Variants in ZNF254 observed in about 807,000 individuals in gnomAD.
ZNF254 encodes zinc finger protein 254.
In ZNF254, 10 loss-of-function variants were observed where a neutral mutation model predicts 12.4. The ratio of observed to expected loss-of-function variants is 0.80; its 90% CI spans 0.50 to 1.36. The LOEUF is 1.36. Ranked by LOEUF, ZNF254 falls within the 40% of genes most tolerant of loss-of-function variation. ZNF254 has a pLI of 0.00. For synonymous variants in ZNF254, 305 were observed against 253.4 expected (o/e 1.20, Z -1.93); for missense variants, 996 against 763.9 (o/e 1.30, Z -3.58).
At chr19:24,043,504 CACCT>C (rs1399927232) in intron 1 of ZNF254, among the ~76,000 whole-genome samples, 2 of 152,136 alleles carry the variant, frequency 1.3e-5, no homozygotes, top group Non-Finnish European at 2.9e-5. Flanking sequence ...TCAGGTGATC[CACCT>C]ACCTCAGCCT....
chr19:24,056,118 G>T (rs1165353776), intron 2 of ZNF254, among the ~76,000 whole-genome samples: 1 of 151,888 alleles, frequency 6.6e-6, no homozygotes, highest in Non-Finnish European at 1.5e-5. Flanking sequence ...GTGACATATC[G>T]CTGGACCTTA....
intron 2 of ZNF254, among the ~76,000 whole-genome samples, chr19:24,072,134 C>G (rs975645240): frequency 1.3e-5 from 2 of 151,600 alleles, no homozygotes; most frequent in African/African-American, 2.4e-5. Context: ...CTGGACCCAG[C>G]ATCTGGTGGT....
chr19:24,088,813 C>G (rs145860532), intron 1 of ZNF254, among the ~76,000 whole-genome samples: 2 of 151,800 alleles, frequency 1.3e-5, no homozygotes, highest in Non-Finnish European at 2.9e-5. Flanking sequence ...CCCGCCCCCA[C>G]GCCTGGCTAA....
intron 2 of ZNF254, among the ~76,000 whole-genome samples, chr19:24,069,604 CAAAAAAAA>C (rs968664535): frequency 2.7e-5 from 1 of 36,704 alleles, no homozygotes; most frequent in East Asian, 9.2e-4. Context: ...GACTCCATCT[CAAAAAAAA>C]AAAAAAAAAA....
In ZNF254 at chr19:24,081,608, T is replaced by C. The variant is rs188713720; in HGVS notation, c.-93-24332T>C. On this transcript the variant is annotated intron_variant, in intron 2 of 4. Transcript: ENST00000613065. ...AGGTAACCCAGGCCTGTGAACTATA[T>C]GCCTGGAACAACCCAAATGACCAAT... Among the ~76,000 whole-genome samples, 15 of 152,324 alleles carry C rather than the reference T, an allele frequency of 9.8e-5. No individual in the cohort carries two copies. In the East Asian group the frequency reaches 2.9e-3, roughly 29 times the overall value.
intron 1 of ZNF254, among the ~76,000 whole-genome samples, chr19:24,098,252 A>T (rs1972787166): frequency 6.6e-6 from 1 of 152,228 alleles, no homozygotes; most frequent in Non-Finnish European, 1.5e-5. Context: ...AGGGATAATT[A>T]TAAGTAAGCA....
intron 2 of ZNF254, among the ~76,000 whole-genome samples, chr19:24,071,861 C>G (rs1365339709): frequency 6.6e-6 from 1 of 152,086 alleles, no homozygotes; most frequent in Non-Finnish European, 1.5e-5. Context: ...GTCATAATTC[C>G]CCTATTAGCA....
intron 2 of ZNF254, among the ~76,000 whole-genome samples, chr19:24,057,433 CA>C (rs1970900854): frequency 6.6e-6 from 1 of 152,168 alleles, no homozygotes; most frequent in Non-Finnish European, 1.5e-5. Flanking sequence ...GGCATAGAGC[CA>C]CAGGTACGAT....
At chr19:24,073,013 C>T (rs144156761) in intron 2 of ZNF254, among the ~76,000 whole-genome samples, 1 of 152,204 alleles carries the variant, frequency 6.6e-6, no homozygotes, top group African/African-American at 2.4e-5. Context: ...GCACTTGTAA[C>T]TATACTTGGA....
upstream of ZNF254, among the ~76,000 whole-genome samples, chr19:24,084,296 C>T (rs1030655696): frequency 1.4e-4 from 21 of 151,140 alleles, no homozygotes; most frequent in Admixed American, 4.0e-4. Context: ...AGTGAAGTAA[C>T]TAAAAAATGA....
chr19:24,071,489 G>A (rs528608463), intron 2 of ZNF254, among the ~76,000 whole-genome samples: 2 of 152,256 alleles, frequency 1.3e-5, no homozygotes, highest in Non-Finnish European at 2.9e-5. Context: ...TGATTGTGGC[G>A]TATAACTAGG....
rs548079847 is a variant in ZNF254 at position 24,115,509 on chromosome 19, C to G, written c.253+8866C>G. ...TGGACACAGGAAGGGGAAAATCACA[C>G]TCTGGGGATTGATGTGGGATGGGGG... On this transcript the variant is annotated intron_variant, in intron 3 of 3. Coordinates refer to ENST00000357002, the MANE Select transcript of ZNF254 (RefSeq NM_203282.4). Among the ~76,000 whole-genome samples, 44 of 145,192 alleles carry G rather than the reference C, an allele frequency of 3.0e-4. No homozygotes were observed. In the South Asian group the frequency reaches 5.6e-3, roughly 18 times the overall value.
chr19:24,067,911 G>A (rs1298382451), intron 2 of ZNF254, among the ~76,000 whole-genome samples: 6 of 152,204 alleles, frequency 3.9e-5, no homozygotes, highest in Admixed American at 1.3e-4. Context: ...CACCTAGGTA[G>A]TGATGTGACT....
intron 1 of ZNF254, among the ~76,000 whole-genome samples, chr19:24,102,596 T>C (rs1051483521): frequency 1.3e-5 from 2 of 152,126 alleles, no homozygotes; most frequent in African/African-American, 2.4e-5. Context: ...GAGTTTTGGG[T>C]GATGAATCCT....
chr19:24,093,710 C>CTTTGT (rs1972521900), intron 1 of ZNF254, among the ~76,000 whole-genome samples: 1 of 152,186 alleles, frequency 6.6e-6, no homozygotes, highest in East Asian at 1.9e-4. Context: ...AATTTGAAGA[C>CTTTGT]AGGTAATGTA....
chr19:24,113,561 A>G lies in ZNF254; in HGVS notation c.253+6918A>G, dbSNP rs558576307. Among the ~76,000 whole-genome samples the G allele has an allele frequency of 5.3e-5, 8 of 152,306 alleles. No individual in the cohort carries two copies. The East Asian group carries it at 1.5e-3, about 29-fold the overall frequency. On this transcript the variant is annotated intron_variant, in intron 3 of 3. Coordinates refer to ENST00000357002, the MANE Select transcript of ZNF254 (RefSeq NM_203282.4). ...AAAATAATAAGAGCTATCTATGCCA[A>G]ACCCACAGCCAATATCATACTGAAT...
intron 2 of ZNF254, among the ~76,000 whole-genome samples, chr19:24,052,869 T>C (rs11881440): frequency 0.16 from 24,249 of 152,226 alleles, 2,107 homozygotes; most frequent in Middle Eastern, 0.23. Flanking sequence ...GATACACTAG[T>C]TCTCATAGCC....
intron 1 of ZNF254, among the ~76,000 whole-genome samples, chr19:24,092,477 A>G (rs1395792199): frequency 3.9e-5 from 6 of 152,002 alleles, no homozygotes; most frequent in African/African-American, 1.2e-4. Context: ...TGGGCCAAGC[A>G]ATCCTCTTGT....
At chr19:24,074,899 C>T (rs1425256410) in intron 2 of ZNF254, among the ~76,000 whole-genome samples, 1 of 152,184 alleles carries the variant, frequency 6.6e-6, no homozygotes, top group Non-Finnish European at 1.5e-5. Flanking sequence ...TCTGCTAGGG[C>T]TGTTTTCCCA....
Sources: gnomAD v4.1 joint callset for allele counts (sites outside exome capture counted in the v4.1 genomes callset) on GRCh38, gnomAD v4.1.1 for gene constraint, MANE v1.5 for transcripts, NCBI Gene and HGNC (gene_info 2026-07-23, HGNC 2026-07-21) for gene names.